Variants in RIC3 observed in about 807,000 individuals in gnomAD.
The protein encoded by RIC3 is protein RIC-3.
In RIC3, 28 loss-of-function variants were observed where a neutral mutation model predicts 27.3. The observed-to-expected ratio is 1.02, with a 90% CI of 0.76 to 1.41. The LOEUF is 1.41. Ranked by LOEUF, RIC3 falls within the 40% of genes most tolerant of loss-of-function variation. RIC3 has a pLI of 0.00. For missense variants in RIC3, 501 were observed against 444.7 expected, an observed-to-expected ratio of 1.13 and a Z score of -1.14; for synonymous variants, 184 against 160.4, an observed-to-expected ratio of 1.15 and a Z score of -1.11.
At chr11:8,156,745 T>G (rs1034983758) in intron 1 of RIC3, among the ~76,000 whole-genome samples, 1 of 152,178 alleles carries the variant, frequency 6.6e-6, no homozygotes, top group Non-Finnish European at 1.5e-5. Flanking sequence ...CCAGGCCAGA[T>G]ACTGCCCCCA....
chr11:8,110,318 T>C lies in RIC3; in HGVS notation c.*380A>G, dbSNP rs978893842. 5 of 349,280 alleles carry C rather than the reference T, an allele frequency of 1.4e-5. No individual in the cohort carries two copies. The highest frequency in any genetic ancestry group is 2.2e-5 in the Non-Finnish European group (4 of 181,360). The allele number at this position is 349,280 out of a possible 1,614,324, so 21.6% of individuals were successfully genotyped here. On this transcript the variant is annotated 3_prime_UTR_variant, in exon 6 of 6. Coordinates refer to ENST00000309737, the MANE Select transcript of RIC3 (RefSeq NM_001206671.4). ...TCTTCATTCTTGCAACCTTAAGTCC[T>C]CATCATCTGTAAGCTGATGTTCGTT...
chr11:8,094,268 T>G, the RIC3 span: 2 of 1,476,548 alleles, frequency 1.4e-6, no homozygotes, highest in Non-Finnish European at 1.8e-6. Context: ...TCCTCCTGAC[T>G]TGGAGGGGAG....
At chr11:8,105,601 C>G (rs1034764513), downstream of RIC3, 3 of 152,112 alleles carry the variant, frequency 2.0e-5, no homozygotes, top group African/African-American at 7.2e-5. Context: ...CTCTCTAGGT[C>G]CATTTTCCTA....
chr11:8,164,821 AC>A (rs1202937617), intron 1 of RIC3, among the ~76,000 whole-genome samples: 1 of 150,068 alleles, frequency 6.7e-6, no homozygotes, highest in Admixed American at 6.7e-5. Context: ...AAGTAATCTG[AC>A]TTTTAAAGAG....
intron 5 of RIC3, among the ~76,000 whole-genome samples, chr11:8,124,327 C>G (rs1316671646): frequency 6.6e-6 from 1 of 152,136 alleles, no homozygotes; most frequent in African/African-American, 2.4e-5. Flanking sequence ...AGACCAATAT[C>G]CCTCACATAT....
At chr11:8,137,150 G>A (rs1948512658) in intron 4 of RIC3, among the ~76,000 whole-genome samples, 1 of 152,022 alleles carries the variant, frequency 6.6e-6, no homozygotes, top group African/African-American at 2.4e-5. Flanking sequence ...TCAGCCTCCC[G>A]AGTAGCTGGG....
At chr11:8,153,369 C>T (rs1950405133) in intron 1 of RIC3, 1 of 443,312 alleles carries the variant, frequency 2.3e-6, no homozygotes, top group African/African-American at 2.0e-5. Context: ...GACATGGTAA[C>T]TCTACCTTAA....
chr11:8,125,677 C>T (rs1946913316), intron 5 of RIC3, among the ~76,000 whole-genome samples: 1 of 152,100 alleles, frequency 6.6e-6, no homozygotes, highest in Non-Finnish European at 1.5e-5. Context: ...TGCCATACAC[C>T]GCTGGTGGGA....
rs143965944 is a variant in RIC3 at position 8,166,730 on chromosome 11, T to C, written c.124+2136A>G. Among the ~76,000 whole-genome samples the C allele has an allele frequency of 4.4e-3, 671 of 152,072 alleles. 2 individuals carry two copies. The highest frequency in any genetic ancestry group is 0.014 in the Middle Eastern group (4 of 294). On this transcript the variant is annotated intron_variant, in intron 1 of 5. Coordinates refer to ENST00000309737, the MANE Select transcript of RIC3 (RefSeq NM_001206671.4). The stretch of plus-strand genomic sequence containing the variant: ...AACCAAAAACAAAAAAAATTTTTTT[T>C]AATTAGCCAGGCATGGTGGCATGTG...
intron 1 of RIC3, among the ~76,000 whole-genome samples, chr11:8,142,129 G>A (rs1259138553): frequency 6.9e-6 from 1 of 145,508 alleles, no homozygotes; most frequent in Non-Finnish European, 1.5e-5. Context: ...AGAAAAGCAA[G>A]AGCAAACACA....
chr11:8,100,975 C>T, the RIC3 span: 15 of 1,614,062 alleles, frequency 9.3e-6, no homozygotes, highest in Admixed American at 1.7e-5. Flanking sequence ...TGAAGAACTT[C>T]CAGATCATCC....
chr11:8,097,211 A>C, the RIC3 span: 1 of 1,613,628 alleles, frequency 6.2e-7, no homozygotes. Flanking sequence ...TCAGGCACCT[A>C]TTCTGCATCC....
chr11:8,133,023 G>C (rs1281564325), intron 4 of RIC3, among the ~76,000 whole-genome samples: 1 of 152,192 alleles, frequency 6.6e-6, no homozygotes, highest in East Asian at 1.9e-4. Flanking sequence ...CATTGCAACA[G>C]TATTAAGAGG....
chr11:8,097,127 C>G, the RIC3 span: 1 of 1,344,942 alleles, frequency 7.4e-7, no homozygotes, highest in Non-Finnish European at 1.0e-6. Context: ...ATCCTTCCCT[C>G]TCTCCCACCG....
At chr11:8,105,020 G>GTGAC (rs1380521334), downstream of RIC3, 1 of 149,260 alleles carries the variant, frequency 6.7e-6, no homozygotes, top group African/African-American at 2.5e-5. Context: ...AATTTAACAA[G>GTGAC]TGACAGGGTT....
chr11:8,100,841 C>T, the RIC3 span: 3 of 1,614,080 alleles, frequency 1.9e-6, no homozygotes, highest in South Asian at 1.1e-5. Context: ...TGAGACACTG[C>T]TAGCACGCTG....
chr11:8,119,850 GAACA>G (rs1225939442), intron 5 of RIC3, among the ~76,000 whole-genome samples: 1 of 152,030 alleles, frequency 6.6e-6, no homozygotes, highest in Non-Finnish European at 1.5e-5. Flanking sequence ...TATAAGAAAA[GAACA>G]AACAACCCCA....
At chr11:8,097,081 A>C in the RIC3 span, 1 of 896,592 alleles carries the variant, frequency 1.1e-6, no homozygotes, top group Non-Finnish European at 1.7e-6. Flanking sequence ...ATAGCTTCTG[A>C]CCCCAGGCCC....
chr11:8,126,562 T>C lies in RIC3; in HGVS notation c.670+97A>G, dbSNP rs949681957. ...TAAAACTGGTTAATATTACTGTTTA[T>C]ATATTATACCTCAATAATGAAGCTG... is the stretch of plus-strand genomic sequence containing the variant. On this transcript the variant is annotated intron_variant, in intron 5 of 5. Transcript: ENST00000309737. The C allele has an allele frequency of 2.9e-6, 4 of 1,379,876 alleles. No homozygotes were observed. In the Admixed American group the frequency reaches 6.3e-5, roughly 22 times the overall value. 85.5% of individuals were successfully genotyped at this position (1,379,876 alleles called of 1,614,324 possible).
Sources: gnomAD v4.1 joint callset for allele counts (sites outside exome capture counted in the v4.1 genomes callset) on GRCh38, gnomAD v4.1.1 for gene constraint, MANE v1.5 for transcripts, NCBI Gene and HGNC (gene_info 2026-07-23, HGNC 2026-07-21) for gene names.